The following SCFD2 variants were observed in gnomAD, a reference collection of about 807,000 sequenced individuals.
SCFD2 encodes the protein sec1 family domain-containing protein 2.
SCFD2 carries 54 observed loss-of-function variants against 58.9 expected under a neutral mutation model. The observed-to-expected ratio is 0.92, with a 90% confidence interval of 0.74 to 1.15. SCFD2 has a LOEUF of 1.15. SCFD2 is among the 50% of genes most tolerant of loss of function. SCFD2 has a pLI of 0.00. For missense variants in SCFD2, 805 were observed against 836.6 expected, an observed-to-expected ratio of 0.96 and a Z score of 0.47; for synonymous variants, 321 against 335.9, an observed-to-expected ratio of 0.96 and a Z score of 0.49.
chr4:53,294,742 A>C (rs1412254089), intron 3 of SCFD2, among the ~76,000 whole-genome samples: 1 of 152,124 alleles, frequency 6.6e-6, no homozygotes, highest in Admixed American at 6.5e-5. Flanking sequence ...GGTATTGCCT[A>C]GGTTTTCTTC....
chr4:52,936,832 T>C (rs1720150648), intron 5 of SCFD2, among the ~76,000 whole-genome samples: 1 of 152,256 alleles, frequency 6.6e-6, no homozygotes, highest in East Asian at 1.9e-4. Flanking sequence ...TTCTTTGTAC[T>C]GTCTACTCCA....
At chr4:53,352,915 A>T in intron 1 of SCFD2, 149 bp from the exon 2 acceptor site, 1 of 677,844 alleles carries the variant, frequency 1.5e-6, no homozygotes, top group Non-Finnish European at 2.5e-6. Flanking sequence ...CATACAGCTA[A>T]TCACATTCAC....
intron 5 of SCFD2, among the ~76,000 whole-genome samples, chr4:52,942,526 G>A (rs939899008): frequency 5.3e-5 from 8 of 152,114 alleles, no homozygotes; most frequent in Non-Finnish European, 1.2e-4. Flanking sequence ...ATTAGTTGTG[G>A]GGGCCTGAGC....
chr4:53,126,442 A>T (rs1560347178), intron 5 of SCFD2, among the ~76,000 whole-genome samples: 1 of 152,070 alleles, frequency 6.6e-6, no homozygotes, highest in Non-Finnish European at 1.5e-5. Context: ...CAGCTTCCTG[A>T]GTGGCTGGGA....
At chr4:53,328,569 T>C (rs946790044) in intron 2 of SCFD2, among the ~76,000 whole-genome samples, 1 of 152,234 alleles carries the variant, frequency 6.6e-6, no homozygotes, top group East Asian at 1.9e-4. Context: ...TAGTTTATGC[T>C]AATATACACA....
intron 5 of SCFD2, among the ~76,000 whole-genome samples, chr4:53,043,270 A>G (rs1008688209): frequency 2.0e-5 from 3 of 152,194 alleles, no homozygotes; most frequent in African/African-American, 4.8e-5. Context: ...GACAAGTGAA[A>G]GAAAAGGGAT....
At position 53,195,990 on chromosome 4, in the gene SCFD2, T is replaced by G. The variant is rs1728046476; in HGVS notation, c.1312-50408A>C. On this transcript the variant is annotated intron_variant, in intron 4 of 8. Coordinates refer to ENST00000401642, the MANE Select transcript of SCFD2 (RefSeq NM_152540.4). The stretch of plus-strand genomic sequence containing the variant: ...TTTATTGGACCAAATATTTCAAGCC[T>G]CATCTGTGTTCTATTACAATCCTAA... Among the ~76,000 whole-genome samples the G allele has an allele frequency of 3.3e-5, 5 of 152,172 alleles. No homozygotes were observed. In the South Asian group the frequency reaches 1.0e-3, roughly 31 times the overall value.
chr4:53,153,308 C>A (rs1020046870), intron 4 of SCFD2, among the ~76,000 whole-genome samples: 1 of 152,224 alleles, frequency 6.6e-6, no homozygotes, highest in Non-Finnish European at 1.5e-5. Context: ...AGCTGCCAAG[C>A]CTGCTTCACT....
chr4:53,298,339 C>G (rs971829585), intron 3 of SCFD2, among the ~76,000 whole-genome samples: 3 of 152,174 alleles, frequency 2.0e-5, no homozygotes. Context: ...CATGGAGCCT[C>G]GCTCATTGCT....
intron 5 of SCFD2, among the ~76,000 whole-genome samples, chr4:53,140,413 A>ATATATATATATATATATAT (rs1212934790): frequency 1.4e-5 from 2 of 143,918 alleles, no homozygotes; most frequent in Admixed American, 6.9e-5. Flanking sequence ...ATATATATAT[A>ATATATATATATATATATAT]AATTTTAATC....
intron 4 of SCFD2, among the ~76,000 whole-genome samples, chr4:53,244,271 A>C (rs1270964427): frequency 6.6e-6 from 1 of 152,048 alleles, no homozygotes; most frequent in Non-Finnish European, 1.5e-5. Context: ...CCACCCCAAA[A>C]CAACAGGATA....
intron 4 of SCFD2, among the ~76,000 whole-genome samples, chr4:53,164,571 A>G (rs1726948135): frequency 6.6e-6 from 1 of 152,168 alleles, no homozygotes; most frequent in Non-Finnish European, 1.5e-5. Flanking sequence ...AGGCGGGCAG[A>G]TAACTGGAGA....
chr4:53,237,888 G>A (rs1280399787), intron 4 of SCFD2, among the ~76,000 whole-genome samples: 1 of 67,968 alleles, frequency 1.5e-5, no homozygotes, highest in Non-Finnish European at 3.0e-5. Flanking sequence ...CTGACGGGGC[G>A]GCTGGCCTGG....
chr4:53,115,214 C>A (rs1725286902), intron 5 of SCFD2, among the ~76,000 whole-genome samples: 1 of 151,752 alleles, frequency 6.6e-6, no homozygotes, highest in Non-Finnish European at 1.5e-5. Context: ...TAAATGAAAG[C>A]AAATCATATA....
chr4:53,259,956 G>C lies in SCFD2; in HGVS notation c.1311+13870C>G, dbSNP rs888186396. Among the ~76,000 whole-genome samples the C allele has an allele frequency of 5.0e-5, 6 of 120,364 alleles. No individual in the cohort carries two copies. The Admixed American group carries it at 5.6e-4, about 11-fold the overall frequency. 79.0% of individuals were successfully genotyped at this position (120,364 alleles called of 152,430 possible). On this transcript the variant is annotated intron_variant, in intron 4 of 8. Coordinates refer to ENST00000401642, the MANE Select transcript of SCFD2 (RefSeq NM_152540.4). ...ACCTCCTTGGTTAGATATATAACCA[G>C]GTATTTTTTTTTTTTTTGCAGCTAT...
At chr4:53,207,550 A>G in intron 4 of SCFD2, among the ~76,000 whole-genome samples, 2 of 18,680 alleles carry the variant, frequency 1.1e-4, no homozygotes, top group Non-Finnish European at 1.9e-4. Flanking sequence ...TATATATAAT[A>G]TTTATATATA....
At chr4:53,109,977 T>C (rs1179682374) in intron 5 of SCFD2, among the ~76,000 whole-genome samples, 3 of 151,398 alleles carry the variant, frequency 2.0e-5, no homozygotes, top group Admixed American at 2.0e-4. Context: ...CTTCAAACTA[T>C]ACTACAAGGC....
intron 5 of SCFD2, among the ~76,000 whole-genome samples, chr4:53,022,441 C>G (rs182702952): frequency 6.6e-6 from 1 of 152,186 alleles, no homozygotes; most frequent in Admixed American, 6.5e-5. Context: ...TTTTTGCTTG[C>G]TTGGTTTTCT....
intron 5 of SCFD2, among the ~76,000 whole-genome samples, chr4:52,943,468 CA>C (rs1720343905): frequency 6.6e-6 from 1 of 152,088 alleles, no homozygotes; most frequent in Non-Finnish European, 1.5e-5. Context: ...AGGGCGGAAC[CA>C]GGTGTAGCTT....
Sources: gnomAD v4.1 joint callset for allele counts (sites outside exome capture counted in the v4.1 genomes callset) on GRCh38, gnomAD v4.1.1 for gene constraint, MANE v1.5 for transcripts, NCBI Gene and HGNC (gene_info 2026-07-23, HGNC 2026-07-21) for gene names.